Variants in FAM13A observed in about 807,000 individuals in gnomAD.
FAM13A encodes protein FAM13A.
In FAM13A, 76 loss-of-function variants were observed where a neutral mutation model predicts 129.6. That is an observed-to-expected ratio of 0.59 (90% CI 0.49 to 0.71). FAM13A has a LOEUF of 0.71. Ranked by LOEUF, FAM13A falls within the 30% of genes least tolerant of loss-of-function variation. FAM13A has a pLI of 0.00. For synonymous variants in FAM13A, 443 were observed against 449.9 expected (o/e 0.98, Z 0.20); for missense variants, 1,108 against 1,249.3 (o/e 0.89, Z 1.70).
At position 88,925,268 on chromosome 4, in the gene FAM13A, C is replaced by T. The variant is rs574036744; in HGVS notation, c.759+12820G>A. Among the ~76,000 whole-genome samples, 211 of 152,122 alleles carry T rather than the reference C, an allele frequency of 1.4e-3. 2 individuals are homozygous for T. Among genetic ancestry groups the T allele is most frequent in the African/African-American group, 4.4e-3 (181 of 41,500 alleles). On this transcript the variant is annotated intron_variant, in intron 5 of 23. Coordinates refer to ENST00000264344, the MANE Select transcript of FAM13A (RefSeq NM_014883.4). Reference sequence around the variant, plus strand: ...GACACATGCACATGTATGTTTATTGCGGCTCTATTCACAATAGCAAAGACT... The same window carrying T: ...GACACATGCACATGTATGTTTATTGTGGCTCTATTCACAATAGCAAAGACT...
chr4:88,782,877 T>C (rs563625315), intron 10 of FAM13A, among the ~76,000 whole-genome samples: 1 of 152,298 alleles, frequency 6.6e-6, no homozygotes, highest in African/African-American at 2.4e-5. Context: ...CTGGATCAAT[T>C]TGGTGTAATT....
chr4:89,050,545 C>CTT (rs201112576), intron 1 of FAM13A, among the ~76,000 whole-genome samples: 2 of 151,058 alleles, frequency 1.3e-5, no homozygotes, highest in African/African-American at 4.9e-5. Context: ...TAAAAAACAG[C>CTT]TTTTTTTTTA....
rs1763876258 is a variant in FAM13A, at chr4:88,998,764, T to C, written c.428-7614A>G. Among the ~76,000 whole-genome samples the C allele has an allele frequency of 2.0e-5, 3 of 152,184 alleles. No individual in the cohort carries two copies. The South Asian group carries it at 6.2e-4, about 32-fold the overall frequency. On this transcript the variant is annotated intron_variant, in intron 3 of 23. Transcript: ENST00000264344. ...AAATGCCAGCTGTACAGAATCAGAC[T>C]GGGTTTTACCTCCGCATTTCATTCC...
In FAM13A at chr4:88,876,873, G is replaced by A. The variant is rs926977789; in HGVS notation, c.844-25690C>T. On this transcript the variant is annotated intron_variant, in intron 6 of 23. Coordinates refer to ENST00000264344, the MANE Select transcript of FAM13A (RefSeq NM_014883.4). Reference sequence around the variant, plus strand: ...CCCAAAGTGCTGGGATTACAGGCGTGAGCCACCGCGCCCAGACCGCGTCAC... The same window carrying A: ...CCCAAAGTGCTGGGATTACAGGCGTAAGCCACCGCGCCCAGACCGCGTCAC... 5.9e-5 allele frequency among the ~76,000 whole-genome samples: 9 copies of A among 152,302 alleles called. No individual in the cohort carries two copies. In the East Asian group the frequency reaches 1.3e-3, roughly 23 times the overall value.
chr4:89,031,616 CCT>C (rs1768693915), intron 1 of FAM13A, among the ~76,000 whole-genome samples: 1 of 152,152 alleles, frequency 6.6e-6, no homozygotes, highest in Non-Finnish European at 1.5e-5. Context: ...TCCTTCTCCT[CCT>C]CTTTCTTCTA....
At chr4:89,018,440 G>T (rs1456171189) in intron 3 of FAM13A, among the ~76,000 whole-genome samples, 1 of 152,212 alleles carries the variant, frequency 6.6e-6, no homozygotes, top group East Asian at 1.9e-4. Context: ...GTTTAGGCTT[G>T]TAACATCCAG....
chr4:88,787,993 A>T (rs1172902706), intron 9 of FAM13A, 61 bp from the exon 10 acceptor site: 11 of 1,382,878 alleles, frequency 8.0e-6, no homozygotes, highest in Non-Finnish European at 1.1e-5. Context: ...CACCTTAAAA[A>T]ATCTGTGCCT....
At chr4:88,747,533 G>A in intron 18 of FAM13A, 98 bp downstream of exon 18, 1 of 973,506 alleles carries the variant, frequency 1.0e-6, no homozygotes, top group Non-Finnish European at 1.6e-6. Flanking sequence ...GGCTTAACAA[G>A]GCATCATCTT....
chr4:88,918,605 C>T (rs181235187), intron 5 of FAM13A, among the ~76,000 whole-genome samples: 3 of 152,180 alleles, frequency 2.0e-5, no homozygotes, highest in African/African-American at 4.8e-5. Flanking sequence ...AGCAGGGAAT[C>T]GTAACAAATA....
chr4:89,044,970 G>T (rs1770657396), intron 1 of FAM13A, among the ~76,000 whole-genome samples: 1 of 152,022 alleles, frequency 6.6e-6, no homozygotes, highest in Admixed American at 6.6e-5. Context: ...TTATGTTGGA[G>T]GTGATAAAAA....
chr4:88,815,405 A>C (rs1262212574), intron 7 of FAM13A, among the ~76,000 whole-genome samples: 1 of 152,144 alleles, frequency 6.6e-6, no homozygotes, highest in Non-Finnish European at 1.5e-5. Flanking sequence ...CTTTGGGATA[A>C]TTTGCACAAG....
At chr4:88,791,424 AACCAC>A (rs1725130757) in intron 8 of FAM13A, among the ~76,000 whole-genome samples, 1 of 152,130 alleles carries the variant, frequency 6.6e-6, no homozygotes, top group South Asian at 2.1e-4. Context: ...ATGTTCACAT[AACCAC>A]AATGAGTGTT....
At position 88,980,098 on chromosome 4, in the gene FAM13A, G is replaced by A. The variant is rs1446169287; in HGVS notation, c.605+10875C>T. Among the ~76,000 whole-genome samples, 3 of 152,184 alleles carry A rather than the reference G, an allele frequency of 2.0e-5. No individual in the cohort carries two copies. In the East Asian group the frequency reaches 5.8e-4, roughly 29 times the overall value. ...TGATGATGTAGAATTACATGTATAAGCATGAGACATGCCATGATAAACAAC... is the reference window on the plus strand; with the variant it reads ...TGATGATGTAGAATTACATGTATAAACATGAGACATGCCATGATAAACAAC... On this transcript the variant is annotated intron_variant, in intron 4 of 23. Coordinates refer to ENST00000264344, the MANE Select transcript of FAM13A (RefSeq NM_014883.4).
intron 6 of FAM13A, chr4:88,905,563 C>T (rs1006976725): frequency 6.6e-6 from 1 of 152,184 alleles, no homozygotes; most frequent in Non-Finnish European, 1.5e-5. Flanking sequence ...TCCCACCCTC[C>T]ACCCTCGAGG....
At chr4:88,781,439 A>C in intron 10 of FAM13A, 88 bp from the exon 11 acceptor site, 1 of 913,748 alleles carries the variant, frequency 1.1e-6, no homozygotes, top group Non-Finnish European at 1.6e-6. Flanking sequence ...ATACCTAGGA[A>C]ATCCAAAGAG....
intron 1 of FAM13A, among the ~76,000 whole-genome samples, chr4:89,053,723 A>G (rs1171623117): frequency 6.6e-6 from 1 of 152,154 alleles, no homozygotes; most frequent in Non-Finnish European, 1.5e-5. Flanking sequence ...CCAATTCACA[A>G]ATTGACCAGT....
chr4:88,791,185 C>T (rs1457283889), intron 8 of FAM13A, among the ~76,000 whole-genome samples: 1 of 151,990 alleles, frequency 6.6e-6, no homozygotes, highest in Non-Finnish European at 1.5e-5. Context: ...CATTTTCTTC[C>T]TAAGTTTCTC....
At chr4:89,038,421 A>C (rs1372886052) in intron 1 of FAM13A, among the ~76,000 whole-genome samples, 1 of 152,120 alleles carries the variant, frequency 6.6e-6, no homozygotes, top group East Asian at 1.9e-4. Context: ...AGTGCAAGGA[A>C]AGTGCAAGGT....
At chr4:88,904,980 T>G (rs570986574) in intron 6 of FAM13A, among the ~76,000 whole-genome samples, 2 of 152,148 alleles carry the variant, frequency 1.3e-5, no homozygotes, top group Non-Finnish European at 2.9e-5. Flanking sequence ...TGAAACATCA[T>G]ACAGTGATTT....
Sources: allele counts gnomAD v4.1 joint callset (sites outside exome capture counted in the v4.1 genomes callset), GRCh38; gene constraint gnomAD v4.1.1; transcripts MANE v1.5; gene names NCBI Gene and HGNC (gene_info 2026-07-23, HGNC 2026-07-21).